SULT1B1: variants seen among roughly 807,000 people sequenced by gnomAD.
SULT1B1 encodes the protein sulfotransferase family 1B member 1.
SULT1B1 carries 28 observed loss-of-function variants against 34.6 expected under a neutral mutation model. The observed-to-expected ratio is 0.81, with a 90% confidence interval of 0.60 to 1.11. The LOEUF (loss-of-function observed/expected upper bound fraction) is 1.11, where lower values mean the gene tolerates loss of function less well. Ranked by LOEUF, SULT1B1 falls within the 50% of genes least tolerant of loss-of-function variation. The pLI, the probability that SULT1B1 is intolerant of heterozygous loss-of-function variation, is 0.00. For synonymous variants in SULT1B1, 147 were observed against 110.2 expected (o/e 1.33, Z -2.09); for missense variants, 374 against 352.2 (o/e 1.06, Z -0.50).
chr4:69,742,961 A>T (rs1004899627), intron 4 of SULT1B1, among the ~76,000 whole-genome samples: 3 of 152,214 alleles, frequency 2.0e-5, no homozygotes, highest in African/African-American at 7.2e-5. Context: ...CGAGGAACAC[A>T]GTGGCACCCA....
chr4:69,734,383 C>CTCCCTGGCCCACA, intron 4 of SULT1B1, 119 bp from the exon 5 acceptor site: 2 of 1,093,190 alleles, frequency 1.8e-6, no homozygotes, highest in Non-Finnish European at 2.6e-6. Context: ...AATTGTGGGC[C>CTCCCTGGCCCACA]AGGGAGGCCC....
At chr4:69,750,916 T>C (rs1396872751) in intron 3 of SULT1B1, among the ~76,000 whole-genome samples, 2 of 152,288 alleles carry the variant, frequency 1.3e-5, no homozygotes, top group South Asian at 2.1e-4. Context: ...AGACACAGGT[T>C]TGGCATACAG....
chr4:69,734,215 T>A lies in SULT1B1; in HGVS notation c.425A>T (p.His142Leu). ...NAKDVSVSYY[H>L]FDLMNNLQPF... ...CTGTAAATTATTCATTAAGTCAAAA[T>A]GGTAATATGAGACTGAAACATCCTT... is the stretch of plus-strand genomic sequence containing the variant. The change falls in exon 5 of 8, where the codon CAT becomes CTT. Residue 142 changes from histidine (H) to leucine (L), a missense_variant. By Grantham distance (99) the His-to-Leu change is moderately conservative (BLOSUM62 -3). Transcript: ENST00000310613. The A allele has an allele frequency of 6.2e-7, 1 of 1,612,894 alleles. No homozygotes were observed. Among genetic ancestry groups the A allele is most frequent in the Non-Finnish European group, 8.5e-7 (1 of 1,179,510 alleles).
rs1339064245 is a variant in SULT1B1 at position 69,724,236 on chromosome 4, C to T, written c.*2852G>A. 1 of 152,118 alleles carries T rather than the reference C, an allele frequency of 6.6e-6. No homozygotes were observed. Among genetic ancestry groups the T allele is most frequent in the East Asian group, 1.9e-4 (1 of 5,188 alleles). The allele number at this position is 152,118 out of a possible 1,614,324, so 9.4% of individuals were successfully genotyped here. ...AGCATTCTTATACACCAATAACAGA[C>T]AGAGAGCCAAATCAGGAGTGAACTC... is the stretch of plus-strand genomic sequence containing the variant. On this transcript the variant is annotated 3_prime_UTR_variant, in exon 8 of 8. Transcript: ENST00000310613.
chr4:69,745,699 C>T (rs1718722003), intron 4 of SULT1B1, among the ~76,000 whole-genome samples: 1 of 152,106 alleles, frequency 6.6e-6, no homozygotes, highest in Non-Finnish European at 1.5e-5. Context: ...GCTCATTTAG[C>T]CCATTTGTAT....
At chr4:69,738,221 C>T (rs760741550) in intron 4 of SULT1B1, among the ~76,000 whole-genome samples, 13 of 152,266 alleles carry the variant, frequency 8.5e-5, no homozygotes, top group South Asian at 2.1e-4. Flanking sequence ...TGTAGTATTC[C>T]GTGGTGTATA....
intron 4 of SULT1B1, among the ~76,000 whole-genome samples, chr4:69,739,609 T>C (rs1241988485): frequency 6.6e-6 from 1 of 152,236 alleles, no homozygotes; most frequent in Non-Finnish European, 1.5e-5. Context: ...TGGGAGAGGC[T>C]ACTGCAAAGG....
At chr4:69,743,778 G>A (rs534591417) in intron 4 of SULT1B1, among the ~76,000 whole-genome samples, 1 of 152,250 alleles carries the variant, frequency 6.6e-6, no homozygotes, top group African/African-American at 2.4e-5. Flanking sequence ...CCCGGGCTTG[G>A]TGTCAACCAT....
chr4:69,740,709 T>A (rs181842120), intron 4 of SULT1B1, among the ~76,000 whole-genome samples: 1 of 152,336 alleles, frequency 6.6e-6, no homozygotes, highest in East Asian at 1.9e-4. Flanking sequence ...CTGGGATTCA[T>A]GGTAATTCTG....
At chr4:69,729,613 A>G (rs2110016613) in intron 7 of SULT1B1, among the ~76,000 whole-genome samples, 1 of 152,202 alleles carries the variant, frequency 6.6e-6, no homozygotes, top group Middle Eastern at 3.4e-3. Context: ...CACTAGGACT[A>G]TTTGCTACCT....
Position 69,755,249 on chromosome 4 carries a change from A to G in SULT1B1, c.-32T>C. 2 of 1,599,776 alleles carry G rather than the reference A, an allele frequency of 1.3e-6. No individual in the cohort carries two copies. The highest frequency in any genetic ancestry group is 2.7e-5 in the African/African-American group (2 of 74,706). On this transcript the variant is annotated 5_prime_UTR_variant, in exon 2 of 8. Coordinates refer to ENST00000310613, the MANE Select transcript of SULT1B1 (RefSeq NM_014465.4). The stretch of plus-strand genomic sequence containing the variant: ...ACCAGATTGTACAAATATATAATAG[A>G]TTGACAGTTGTTCTGGAGAAATATA...
chr4:69,751,783 C>T (rs894922125), intron 3 of SULT1B1, among the ~76,000 whole-genome samples: 11 of 152,188 alleles, frequency 7.2e-5, no homozygotes, highest in Admixed American at 1.3e-4. Context: ...AGTTTACCCT[C>T]ATCTACCTGA....
At chr4:69,746,635 A>G (rs1008721243) in intron 4 of SULT1B1, among the ~76,000 whole-genome samples, 2 of 151,890 alleles carry the variant, frequency 1.3e-5, no homozygotes, top group Non-Finnish European at 2.9e-5. Context: ...TTGGGTTTCA[A>G]CCTTTTTCTA....
At chr4:69,733,663 A>T (rs1302831229) in intron 5 of SULT1B1, among the ~76,000 whole-genome samples, 156 bp from the exon 6 acceptor site, 2 of 152,164 alleles carry the variant, frequency 1.3e-5, no homozygotes, top group Non-Finnish European at 1.5e-5. Flanking sequence ...CTATTTATGG[A>T]TATATAAACA....
chr4:69,741,536 A>T (rs1268859973), intron 4 of SULT1B1, among the ~76,000 whole-genome samples: 3 of 151,986 alleles, frequency 2.0e-5, no homozygotes, highest in Non-Finnish European at 4.4e-5. Flanking sequence ...TTCTTCCATT[A>T]GTTTTTGTCA....
At chr4:69,727,790 C>T (rs764668973) in intron 7 of SULT1B1, among the ~76,000 whole-genome samples, 61 of 151,880 alleles carry the variant, frequency 4.0e-4, no homozygotes, top group Non-Finnish European at 7.7e-4. Flanking sequence ...ATATAACATC[C>T]TGGAACCATG....
chr4:69,758,191 G>A, intron 1 of SULT1B1: 1 of 517,230 alleles, frequency 1.9e-6, no homozygotes, highest in Non-Finnish European at 2.5e-6. Context: ...GTCAGCAGAA[G>A]GAGGAAGTTG....
In SULT1B1 at chr4:69,725,666, A is replaced by G. The variant is rs1717804744; in HGVS notation, c.*1422T>C. On this transcript the variant is annotated 3_prime_UTR_variant, in exon 8 of 8. Transcript: ENST00000310613. Reference sequence around the variant, plus strand: ...ACTGGATTAAGAAAATGTGGCACATATACACCATAGAATACTGTGCAGCCA... The same window carrying G: ...ACTGGATTAAGAAAATGTGGCACATGTACACCATAGAATACTGTGCAGCCA... The G allele has an allele frequency of 6.6e-6, 1 of 152,166 alleles. No homozygotes were observed. Among genetic ancestry groups the G allele is most frequent in the Non-Finnish European group, 1.5e-5 (1 of 68,046 alleles). The allele number at this position is 152,166 out of a possible 1,614,324, so 9.4% of individuals were successfully genotyped here. A position where few individuals can be genotyped will look rare whatever the true frequency, so the allele number is the denominator to read the frequency against.
chr4:69,752,266 T>C (rs1423178562), intron 3 of SULT1B1, among the ~76,000 whole-genome samples: 1 of 152,084 alleles, frequency 6.6e-6, no homozygotes, highest in Non-Finnish European at 1.5e-5. Flanking sequence ...GACAGAGTCT[T>C]GCTCTTTCGC....
Sources: allele counts gnomAD v4.1 joint callset (sites outside exome capture counted in the v4.1 genomes callset), GRCh38; gene constraint gnomAD v4.1.1; transcripts MANE v1.5; gene names NCBI Gene and HGNC (gene_info 2026-07-23, HGNC 2026-07-21).